BRD3: variants seen among roughly 807,000 people sequenced by gnomAD.
The protein encoded by BRD3 is bromodomain-containing protein 3.
Under a neutral mutation model 66.8 loss-of-function variants are expected in BRD3, and 17 were observed. The observed-to-expected ratio is 0.25, with a 90% CI of 0.17 to 0.38. BRD3 has a LOEUF of 0.38. Ranked by LOEUF, BRD3 falls within the 10% of genes least tolerant of loss-of-function variation. The pLI is 1.00. For missense variants in BRD3, 713 were observed against 956.1 expected, an observed-to-expected ratio of 0.75 and a Z score of 3.35; for synonymous variants, 421 against 393.2, an observed-to-expected ratio of 1.07 and a Z score of -0.84.
chr9:134,036,697 CAAT>C lies in BRD3; in HGVS notation c.1644-376_1644-374del, dbSNP rs1183374423. 4.1e-6 allele frequency: 4 copies of C among 973,350 alleles called. No individual in the cohort carries two copies. In the African/African-American group the frequency reaches 6.5e-5, roughly 16 times the overall value. The allele number at this position is 973,350 out of a possible 1,614,324, so 60.3% of individuals were successfully genotyped here. Reference sequence around the variant, plus strand: ...ATGAGAGACCGAAATCCAATTATATCAATAATTATGTGAAATATAAACGGTCTA... The same window carrying C: ...ATGAGAGACCGAAATCCAATTATATCAATTATGTGAAATATAAACGGTCTA... On this transcript the variant is annotated intron_variant, in intron 9 of 11. Transcript: ENST00000303407.
intron 9 of BRD3, among the ~76,000 whole-genome samples, chr9:134,037,554 C>G (rs1419074920): frequency 6.6e-6 from 1 of 152,078 alleles, no homozygotes; most frequent in East Asian, 1.9e-4. Context: ...CTAGGCAACA[C>G]AGCCAGACTC....
Position 134,032,640 on chromosome 9 carries a change from T to C in BRD3, c.*950A>G, listed in dbSNP as rs1843528264. On this transcript the variant is annotated 3_prime_UTR_variant, in exon 12 of 12. Transcript: ENST00000303407. ...ATCTCTGCGACTGTGTGAATGCATTTCTTCTGCGGTTTTTTCTTATTTTCT... is the reference window on the plus strand; with the variant it reads ...ATCTCTGCGACTGTGTGAATGCATTCCTTCTGCGGTTTTTTCTTATTTTCT... 8.8e-6 allele frequency: 2 copies of C among 227,784 alleles called. No individual in the cohort carries two copies. The highest frequency in any genetic ancestry group is 1.7e-5 in the Non-Finnish European group (2 of 114,666). 14.1% of individuals were successfully genotyped at this position (227,784 alleles called of 1,614,324 possible). A position where few individuals can be genotyped will look rare whatever the true frequency, so the allele number is the denominator to read the frequency against.
chr9:134,035,076 A>G (rs1252326397), intron 10 of BRD3, among the ~76,000 whole-genome samples: 1 of 152,192 alleles, frequency 6.6e-6, no homozygotes, highest in East Asian at 1.9e-4. Context: ...CAAAGCCTGG[A>G]TCCTAAGGTG....
At chr9:134,048,054 A>G in intron 6 of BRD3, 29 bp downstream of exon 6, 1 of 1,527,100 alleles carries the variant, frequency 6.5e-7, no homozygotes, top group Non-Finnish European at 8.8e-7. Context: ...GGACATGGGC[A>G]GAGCAGGGCC....
rs568624148 is a variant in BRD3 at position 134,067,427 on chromosome 9, C to A, written c.-114+518G>T. 6.0e-5 allele frequency among the ~76,000 whole-genome samples: 9 copies of A among 150,040 alleles called. No individual in the cohort carries two copies. In the East Asian group the frequency reaches 1.8e-3, roughly 29 times the overall value. ...AGCAACGGCTCGGGAGCGAGGCCGG[C>A]GGAACAGGCGCGGGGAAAGTGGCCC... is the stretch of plus-strand genomic sequence containing the variant. On this transcript the variant is annotated intron_variant, in intron 1 of 11. Transcript: ENST00000303407.
Position 134,033,756 on chromosome 9 carries a change from GC to G in BRD3, c.2066-52del, listed in dbSNP as rs774220560. 1.3e-5 allele frequency: 9 copies of G among 679,824 alleles called. No homozygotes were observed. The highest frequency in any genetic ancestry group is 2.2e-5 in the Non-Finnish European group (8 of 369,400). 42.1% of individuals were successfully genotyped at this position (679,824 alleles called of 1,614,324 possible). A position where few individuals can be genotyped will look rare whatever the true frequency, so the allele number is the denominator to read the frequency against. ...CGCTCGCACACCCGCTTCTTGACCC[GC>G]TTGGCGGCATGTCGTCCATGCCAGC... On this transcript the variant is annotated intron_variant, in intron 11 of 11. Transcript: ENST00000303407. This position sits in a 1 kb window ranked among gnomAD's most constrained non-coding sequence, Gnocchi z 5.1.
intron 9 of BRD3, among the ~76,000 whole-genome samples, chr9:134,039,317 A>G (rs1829991076): frequency 6.6e-6 from 1 of 152,254 alleles, no homozygotes; most frequent in Non-Finnish European, 1.5e-5. Flanking sequence ...GGCTGATCTC[A>G]GCAGCCTCAA....
chr9:134,032,524 GAGCACCGCGCGGTGGCAGGAGTT>G lies in BRD3; in HGVS notation c.*1043_*1065del, dbSNP rs1843526454. On this transcript the variant is annotated 3_prime_UTR_variant, in exon 12 of 12. Transcript: ENST00000303407. Reference sequence around the variant, plus strand: ...GGCGAGCGCGCGAACAGACGTGGGTGAGCACCGCGCGGTGGCAGGAGTTAGCACCTGGAGACGACAGGCCGCCG... The same window carrying G: ...GGCGAGCGCGCGAACAGACGTGGGTGAGCACCTGGAGACGACAGGCCGCCG... 1 of 231,022 alleles carries G rather than the reference GAGCACCGCGCGGTGGCAGGAGTT, an allele frequency of 4.3e-6. No homozygotes were observed. The highest frequency in any genetic ancestry group is 8.5e-6 in the Non-Finnish European group (1 of 116,974). 14.3% of individuals were successfully genotyped at this position (231,022 alleles called of 1,614,324 possible).
intron 1 of BRD3, among the ~76,000 whole-genome samples, chr9:134,064,755 GC>G (rs888563088): frequency 6.6e-6 from 1 of 152,192 alleles, no homozygotes; most frequent in Non-Finnish European, 1.5e-5. Flanking sequence ...GATGGCAGGA[GC>G]CCAGGAACCA....
rs748848370 is a variant in BRD3 at position 134,040,152 on chromosome 9, CCTT to C, written c.1522_1524del (p.Lys508del). On this transcript the variant is annotated inframe_deletion, in exon 9 of 12. Transcript: ENST00000303407. ...TCCTCGGCCTTCACTTTGTGCTTCT[CCTT>C]CTCCTTCTCCTTGTCCTTCTTCTTC... 1.1e-5 allele frequency: 17 copies of C among 1,558,890 alleles called. No individual in the cohort carries two copies. In the Admixed American group the frequency reaches 3.3e-4, roughly 30 times the overall value.
Position 134,051,552 on chromosome 9 carries a change from C to T in BRD3, c.499+10G>A. On this transcript the variant is annotated intron_variant, in intron 4 of 11. Coordinates refer to ENST00000303407, the MANE Select transcript of BRD3 (RefSeq NM_007371.4). ...AGGCCCAGCCCCTCGCCTGCCCCAG[C>T]TCCCTTTACCTGCGCTCTGGGCTCC... is the stretch of plus-strand genomic sequence containing the variant. 6.5e-7 allele frequency: 1 copy of T among 1,531,544 alleles called. No homozygotes were observed. Among genetic ancestry groups the T allele is most frequent in the South Asian group, 1.3e-5 (1 of 78,612 alleles). 94.9% of individuals were successfully genotyped at this position (1,531,544 alleles called of 1,614,324 possible). A position where few individuals can be genotyped will look rare whatever the true frequency, so the allele number is the denominator to read the frequency against.
chr9:134,058,614 C>T (rs895295318), intron 1 of BRD3: 9 of 152,258 alleles, frequency 5.9e-5, no homozygotes, highest in Admixed American at 2.0e-4. Flanking sequence ...GCCAAACCAG[C>T]AAGGGAAGCC....
chr9:134,066,306 A>G (rs1830651203), intron 1 of BRD3, among the ~76,000 whole-genome samples: 1 of 152,114 alleles, frequency 6.6e-6, no homozygotes, highest in Non-Finnish European at 1.5e-5. Context: ...ATGATCAGTA[A>G]CCACCAGCAC....
Position 134,036,096 on chromosome 9 carries a change from G to T in BRD3, c.1872C>A (p.Thr624=). Reference sequence around the variant, plus strand: ...CATATCTCTCCAGTTCCCGCAAAGTGGTGGGTTTCAGAGTCTCAAAGTCAA... The same window carrying T: ...CATATCTCTCCAGTTCCCGCAAAGTTGTGGGTTTCAGAGTCTCAAAGTCAA... ...IEIDFETLKP[T]TLRELERYVK... is the part of the protein sequence containing the mutation. Residue 624 remains threonine, a synonymous_variant, in exon 10 of 12, where the codon ACC becomes ACA. Transcript: ENST00000303407. 6.2e-7 allele frequency: 1 copy of T among 1,614,220 alleles called. No homozygotes were observed. Among genetic ancestry groups the T allele is most frequent in the Non-Finnish European group, 8.5e-7 (1 of 1,180,020 alleles).
chr9:134,042,729 A>G (rs1830085135), intron 7 of BRD3, among the ~76,000 whole-genome samples: 1 of 149,452 alleles, frequency 6.7e-6, no homozygotes, highest in Non-Finnish European at 1.5e-5. Context: ...ATACACATAT[A>G]TATACACACA....
rs1588296949 is a variant in BRD3, at chr9:134,056,451, C to G, written c.-113-2861G>C. On this transcript the variant is annotated intron_variant, in intron 1 of 11. Transcript: ENST00000303407. ...ACACAAACCCTGCCCTCTGAGACAC[C>G]TACACCCCACACACTCAGATTTTGC... Among the ~76,000 whole-genome samples, 3 of 152,348 alleles carry G rather than the reference C, an allele frequency of 2.0e-5. No individual in the cohort carries two copies. In the East Asian group the frequency reaches 5.8e-4, roughly 29 times the overall value.
At position 134,046,241 on chromosome 9, in the gene BRD3, G is replaced by A. The variant is rs567728173; in HGVS notation, c.1087-820C>T. On this transcript the variant is annotated intron_variant, in intron 6 of 11. Transcript: ENST00000303407. ...GAGTGGCCAGAGGCAGGATCGTCGA[G>A]GGACGCTTCAAGGTGGCCACTGGGA... Among the ~76,000 whole-genome samples, 52 of 152,334 alleles carry A rather than the reference G, an allele frequency of 3.4e-4. 1 individual carries two copies. The highest frequency in any genetic ancestry group is 1.2e-3 in the African/African-American group (51 of 41,582).
At chr9:134,040,977 G>A (rs1448404043) in intron 8 of BRD3, among the ~76,000 whole-genome samples, 1 of 152,154 alleles carries the variant, frequency 6.6e-6, no homozygotes, top group African/African-American at 2.4e-5. Context: ...GCCTCTGGGT[G>A]GTCTGTGCAA....
intron 9 of BRD3, among the ~76,000 whole-genome samples, chr9:134,039,425 G>A (rs920215271): frequency 2.9e-4 from 44 of 152,208 alleles, no homozygotes; most frequent in African/African-American, 1.1e-3. Flanking sequence ...CTTTGTACCC[G>A]TTGTTCCCTG....
Sources: allele counts gnomAD v4.1 joint callset (sites outside exome capture counted in the v4.1 genomes callset), GRCh38; gene constraint gnomAD v4.1.1; non-coding constraint Gnocchi (gnomAD v3.1); transcripts MANE v1.5; gene names NCBI Gene and HGNC (gene_info 2026-07-23, HGNC 2026-07-21).